The following ZFHX3 variants were observed in gnomAD, a reference collection of about 807,000 sequenced individuals.
The protein encoded by ZFHX3 is zinc finger homeobox protein 3.
A neutral mutation model predicts 279.1 loss-of-function variants in ZFHX3; 42 were observed. That is an observed-to-expected ratio of 0.15 (90% CI 0.12 to 0.19). ZFHX3 has a LOEUF of 0.19. Ranked by LOEUF, ZFHX3 falls within the 10% of genes least tolerant of loss-of-function variation. The pLI, the probability that ZFHX3 is intolerant of heterozygous loss-of-function variation, is 1.00. For synonymous variants in ZFHX3, 2,293 were observed against 1,957.8 expected (o/e 1.17, Z -4.52); for missense variants, 4,981 against 4,754.0 (o/e 1.05, Z -1.40).
chr16:72,917,909 C>T (rs1369221087), intron 3 of ZFHX3, among the ~76,000 whole-genome samples: 1 of 152,094 alleles, frequency 6.6e-6, no homozygotes, highest in African/African-American at 2.4e-5. Flanking sequence ...GTTACATTTT[C>T]AGATATTATA....
chr16:73,395,470 C>T (rs965592502), intron 3 of ZFHX3, among the ~76,000 whole-genome samples: 15 of 151,602 alleles, frequency 9.9e-5, no homozygotes, highest in African/African-American at 3.4e-4. Flanking sequence ...TCTCCAAAAA[C>T]ACCCCCAAAA....
At chr16:73,352,474 C>CTTT (rs35974156) in intron 3 of ZFHX3, among the ~76,000 whole-genome samples, 22 of 53,274 alleles carry the variant, frequency 4.1e-4, no homozygotes, top group African/African-American at 5.2e-4. Context: ...CTCTCTCTCT[C>CTTT]TTTTTTTTTT....
rs898382333 is a variant in ZFHX3, at chr16:72,793,392, T to C, written c.9290A>G (p.Gln3097Arg). ...AGGGGTGTTGTCAAACATCCCTTGCTGCTGAGCTGCCAGTCCAAGGACCTC... is the reference window on the plus strand; with the variant it reads ...AGGGGTGTTGTCAAACATCCCTTGCCGCTGAGCTGCCAGTCCAAGGACCTC... ...ANEVLGLAAQ[Q>R]QGMFDNTPLQ... is the part of the protein sequence containing the mutation. The change falls in exon 9 of 10, where the codon CAG becomes CGG. Residue 3097 changes from glutamine (Q) to arginine (R), a missense_variant. This residue lies in a region of ZFHX3 where 168 missense variants were observed against 249.1 expected (regional missense o/e 0.67). Coordinates refer to ENST00000268489, the MANE Select transcript of ZFHX3 (RefSeq NM_006885.4). This position sits in a 1 kb window ranked among gnomAD's most constrained non-coding sequence, Gnocchi z 4.3. 6.2e-7 allele frequency: 1 copy of C among 1,614,206 alleles called. No individual in the cohort carries two copies. Among genetic ancestry groups the C allele is most frequent in the South Asian group, 1.1e-5 (1 of 91,084 alleles).
intron 2 of ZFHX3, among the ~76,000 whole-genome samples, chr16:73,588,082 A>G (rs1211980373): frequency 6.7e-6 from 1 of 148,580 alleles, no homozygotes; most frequent in Non-Finnish European, 1.5e-5. Flanking sequence ...GTTAAACTAA[A>G]AATCAACAAC....
intron 2 of ZFHX3, among the ~76,000 whole-genome samples, chr16:73,517,244 G>A (rs1221254998): frequency 2.0e-5 from 3 of 152,116 alleles, no homozygotes; most frequent in African/African-American, 7.2e-5. Flanking sequence ...AGCAATCTAG[G>A]CCATCCCTGT....
intron 2 of ZFHX3, among the ~76,000 whole-genome samples, chr16:72,955,810 C>T (rs571338962): frequency 6.6e-6 from 1 of 151,708 alleles, no homozygotes; most frequent in Non-Finnish European, 1.5e-5. Context: ...CACTTTGACC[C>T]AACATGAACC....
At chr16:73,410,701 G>A (rs2017448307) in intron 3 of ZFHX3, among the ~76,000 whole-genome samples, 1 of 152,226 alleles carries the variant, frequency 6.6e-6, no homozygotes, top group Non-Finnish European at 1.5e-5. Flanking sequence ...ATGACATCCA[G>A]TAGATGGAGG....
At chr16:73,021,254 C>T (rs1014484431) in intron 1 of ZFHX3, among the ~76,000 whole-genome samples, 6 of 152,158 alleles carry the variant, frequency 3.9e-5, no homozygotes, top group Non-Finnish European at 7.4e-5. Context: ...GGTTCTGGGA[C>T]GAGGGCCTGC....
At chr16:72,916,468 T>C (rs911895835) in intron 3 of ZFHX3, among the ~76,000 whole-genome samples, 3 of 152,180 alleles carry the variant, frequency 2.0e-5, no homozygotes, top group African/African-American at 7.2e-5. Context: ...GCGTTTCTAA[T>C]AAGATGTGAA....
At chr16:73,250,728 G>C (rs1355387986) in intron 5 of ZFHX3, among the ~76,000 whole-genome samples, 1 of 151,996 alleles carries the variant, frequency 6.6e-6, no homozygotes, top group Non-Finnish European at 1.5e-5. Context: ...TAGAGACGGG[G>C]TTTCACCGCG....
At chr16:73,039,186 G>A (rs1965021795) in intron 1 of ZFHX3, among the ~76,000 whole-genome samples, 1 of 151,406 alleles carries the variant, frequency 6.6e-6, no homozygotes. Flanking sequence ...TCAAGCCCCT[G>A]AGCTCAAGCA....
At chr16:73,439,964 G>A (rs1030203094) in intron 3 of ZFHX3, among the ~76,000 whole-genome samples, 1 of 150,478 alleles carries the variant, frequency 6.6e-6, no homozygotes, top group African/African-American at 2.5e-5. Flanking sequence ...AAGGGCCAAG[G>A]CTTCAAAAGA....
chr16:72,870,717 CAAAAAAAA>C (rs71156125), intron 4 of ZFHX3, among the ~76,000 whole-genome samples: 1 of 101,562 alleles, frequency 9.8e-6, no homozygotes. Context: ...GACTCTGTCT[CAAAAAAAA>C]AAAAAAAAAA....
intron 2 of ZFHX3, among the ~76,000 whole-genome samples, chr16:73,507,793 G>T (rs1340509541): frequency 6.6e-6 from 1 of 152,118 alleles, no homozygotes; most frequent in African/African-American, 2.4e-5. Flanking sequence ...GAGCCACTGT[G>T]CCTGGCCTCT....
intron 8 of ZFHX3, among the ~76,000 whole-genome samples, chr16:73,071,354 T>C (rs917197939): frequency 2.0e-5 from 3 of 150,240 alleles, no homozygotes; most frequent in Admixed American, 2.0e-4. Flanking sequence ...CTGACCAGGC[T>C]CCCCTGCCTT....
chr16:72,834,078 C>G (rs1232855677), intron 4 of ZFHX3, among the ~76,000 whole-genome samples: 1 of 152,110 alleles, frequency 6.6e-6, no homozygotes, highest in African/African-American at 2.4e-5. Context: ...GAGACTCCAT[C>G]TCTACAAAAA....
intron 3 of ZFHX3, among the ~76,000 whole-genome samples, chr16:73,383,280 G>A (rs143598686): frequency 6.6e-6 from 1 of 152,312 alleles, no homozygotes; most frequent in Non-Finnish European, 1.5e-5. Context: ...CCAGCAGCAG[G>A]AACAGCAGCT....
At chr16:73,571,817 T>C (rs567909656) in intron 2 of ZFHX3, among the ~76,000 whole-genome samples, 1 of 152,302 alleles carries the variant, frequency 6.6e-6, no homozygotes, top group South Asian at 2.1e-4. Flanking sequence ...GAAAGGGGTG[T>C]CTCAAATTGA....
In ZFHX3 at chr16:73,518,680, T is replaced by C. The variant is rs565689621; in HGVS notation, c.-1546-62422A>G. On this transcript the variant is annotated intron_variant, in intron 2 of 17. Coordinates refer to the ZFHX3 transcript ENST00000641206. ...TCTAATAACAATTTTGAGCAAATGC[T>C]TTCAGGTTTTGCCGAAAGAAAAAAA... Among the ~76,000 whole-genome samples, 5 of 152,316 alleles carry C rather than the reference T, an allele frequency of 3.3e-5. No individual in the cohort carries two copies. In the South Asian group the frequency reaches 1.0e-3, roughly 32 times the overall value.
Sources: gnomAD v4.1 joint callset for allele counts (sites outside exome capture counted in the v4.1 genomes callset) on GRCh38, gnomAD v4.1.1 for gene constraint, gnomAD v4.1.1 regional missense constraint, Gnocchi (gnomAD v3.1) non-coding constraint, MANE v1.5 for transcripts, NCBI Gene and HGNC (gene_info 2026-07-23, HGNC 2026-07-21) for gene names.